The following AKAP12 variants were observed in gnomAD, a reference collection of about 807,000 sequenced individuals.
AKAP12 encodes A-kinase anchor protein 12.
In AKAP12, 32 loss-of-function variants were observed where a neutral mutation model predicts 79.9. That is an observed-to-expected ratio of 0.40 (90% CI 0.30 to 0.54). The LOEUF is 0.54. Ranked by LOEUF, AKAP12 falls within the 20% of genes least tolerant of loss-of-function variation. The probability of loss-of-function intolerance (pLI) is 0.48; values close to 1 mark genes in which losing one functional copy is unlikely to be tolerated. For synonymous variants in AKAP12, 808 were observed against 857.0 expected (o/e 0.94, Z 1.00); for missense variants, 2,074 against 2,177.0 (o/e 0.95, Z 0.94).
chr6:151,269,301 A>T (rs914902759), intron 2 of AKAP12, among the ~76,000 whole-genome samples: 1 of 151,540 alleles, frequency 6.6e-6, no homozygotes, highest in African/African-American at 2.4e-5. Flanking sequence ...TCAATTTTAT[A>T]TTTTTTTCTA....
Position 151,240,627 on chromosome 6 carries a change from C to T in AKAP12, c.65C>T (p.Pro22Leu), listed in dbSNP as rs1796952319. The T allele has an allele frequency of 7.3e-7, 1 of 1,375,624 alleles. No homozygotes were observed. The highest frequency in any genetic ancestry group is 9.4e-7 in the Non-Finnish European group (1 of 1,068,016). 85.2% of individuals were successfully genotyped at this position (1,375,624 alleles called of 1,614,324 possible). A position where few individuals can be genotyped will look rare whatever the true frequency, so the allele number is the denominator to read the frequency against. ...CAGCCGCCCGAGGGGAGCTCCACGC[C>T]GGCTGAGCCCGAGCCCAGCGGCGGC... ...PEQPPEGSST[P>L]AEPEPSGGGP... The change falls in exon 2 of 5, where the codon CCG becomes CTG. Residue 22 changes from proline to leucine, a missense_variant. Transcript: ENST00000402676.
At position 151,328,821 on chromosome 6, in the gene AKAP12, G is replaced by A. The variant is rs142494680; in HGVS notation, c.320-19890G>A. Among the ~76,000 whole-genome samples the A allele has an allele frequency of 1.3e-5, 2 of 152,044 alleles. 1 individual carries two copies. Among genetic ancestry groups the A allele is most frequent in the East Asian group, 3.9e-4 (2 of 5,168 alleles). ...TAACAGGACTGATGGCATTTTGTAG[G>A]AACTACTTAGGAACAAGTTTGCATT... On this transcript the variant is annotated intron_variant, in intron 3 of 4. Transcript: ENST00000402676.
At chr6:151,304,139 G>A (rs1776922877) in intron 2 of AKAP12, among the ~76,000 whole-genome samples, 1 of 152,068 alleles carries the variant, frequency 6.6e-6, no homozygotes, top group Admixed American at 6.6e-5. Flanking sequence ...GGTTCCTAAT[G>A]GTTATTGTTT....
intron 3 of AKAP12, among the ~76,000 whole-genome samples, chr6:151,318,357 A>G (rs1728657830): frequency 6.6e-6 from 1 of 152,216 alleles, no homozygotes; most frequent in Non-Finnish European, 1.5e-5. Context: ...ACAATGAACA[A>G]AAAGTATGAT....
chr6:151,296,274 G>T (rs528992058), intron 2 of AKAP12, among the ~76,000 whole-genome samples: 39 of 152,278 alleles, frequency 2.6e-4, no homozygotes, highest in Non-Finnish European at 5.0e-4. Flanking sequence ...ATTTCATGTG[G>T]TTGGAGAGAG....
intron 2 of AKAP12, 54 bp from the exon 3 acceptor site, chr6:151,305,693 T>C: frequency 6.6e-7 from 1 of 1,525,694 alleles, no homozygotes; most frequent in East Asian, 2.3e-5. Context: ...GCCTTGTTTC[T>C]GACTTGGTCA....
chr6:151,311,466 C>T (rs533857677), intron 3 of AKAP12, among the ~76,000 whole-genome samples: 3 of 152,282 alleles, frequency 2.0e-5, no homozygotes, highest in South Asian at 2.1e-4. Context: ...AGGCGGCTCC[C>T]GGTGTGTGCA....
chr6:151,340,444 T>C (rs1008533936), intron 3 of AKAP12, among the ~76,000 whole-genome samples: 1 of 152,180 alleles, frequency 6.6e-6, no homozygotes, highest in Non-Finnish European at 1.5e-5. Context: ...TGCCAGATCA[T>C]ATGGTAAGAG....
intron 2 of AKAP12, among the ~76,000 whole-genome samples, chr6:151,268,567 C>G (rs553300674): frequency 6.6e-6 from 1 of 152,186 alleles, no homozygotes; most frequent in East Asian, 1.9e-4. Flanking sequence ...TAACCAAATA[C>G]CCATATTATA....
chr6:151,287,197 C>A (rs1176494682), intron 2 of AKAP12, among the ~76,000 whole-genome samples: 2 of 152,076 alleles, frequency 1.3e-5, no homozygotes, highest in Non-Finnish European at 2.9e-5. Flanking sequence ...CCTCGGCCTC[C>A]CAGAGTGCTG....
At chr6:151,258,179 C>G (rs914456386) in intron 2 of AKAP12, among the ~76,000 whole-genome samples, 1 of 152,198 alleles carries the variant, frequency 6.6e-6, no homozygotes, top group African/African-American at 2.4e-5. Flanking sequence ...GCAATGAATA[C>G]TGGAGGTATT....
intron 3 of AKAP12, among the ~76,000 whole-genome samples, chr6:151,318,892 T>C (rs1456373705): frequency 1.3e-5 from 2 of 151,768 alleles, no homozygotes; most frequent in Non-Finnish European, 2.9e-5. Flanking sequence ...ACAATGAATC[T>C]CACCATTTAC....
At chr6:151,269,959 A>G (rs1776147787) in intron 2 of AKAP12, among the ~76,000 whole-genome samples, 2 of 152,178 alleles carry the variant, frequency 1.3e-5, no homozygotes, top group East Asian at 1.9e-4. Context: ...TTTTGTATCA[A>G]TGGAATCATA....
rs546006132 is a variant in AKAP12, at chr6:151,314,315, C to A, written c.319+8412C>A. 2.6e-4 allele frequency among the ~76,000 whole-genome samples: 39 copies of A among 152,252 alleles called. No homozygotes were observed. In the South Asian group the frequency reaches 7.5e-3, roughly 29 times the overall value. ...GTGCTGGGATTACAGGCATGAGCCACCGCACCCGGCCTCTAATCTGATCTT... is the reference window on the plus strand; with the variant it reads ...GTGCTGGGATTACAGGCATGAGCCAACGCACCCGGCCTCTAATCTGATCTT... On this transcript the variant is annotated intron_variant, in intron 3 of 4. Coordinates refer to ENST00000402676, the MANE Select transcript of AKAP12 (RefSeq NM_005100.4).
At chr6:151,294,123 G>A (rs1776675985) in intron 2 of AKAP12, among the ~76,000 whole-genome samples, 1 of 152,016 alleles carries the variant, frequency 6.6e-6, no homozygotes, top group South Asian at 2.1e-4. Context: ...ACAGGCGAGT[G>A]CCACCATGCC....
In AKAP12 at chr6:151,352,817, G is replaced by A. The variant is rs1410732379; in HGVS notation, c.4426G>A (p.Gly1476Arg). 2 of 1,614,076 alleles carry A rather than the reference G, an allele frequency of 1.2e-6. No individual in the cohort carries two copies. Among genetic ancestry groups the A allele is most frequent in the East Asian group, 2.2e-5 (1 of 44,894 alleles). Reference sequence around the variant, plus strand: ...TCCAGGGGAAGATGCTGTGCCCACAGGGCCCGACTGTCAGGCAAAATCGAC... The same window carrying A: ...TCCAGGGGAAGATGCTGTGCCCACAAGGCCCGACTGTCAGGCAAAATCGAC... ...AHPGEDAVPT[G>R]PDCQAKSTPV... Residue 1476 changes from glycine to arginine, a missense_variant, in exon 4 of 5, where the codon GGG (glycine) becomes AGG (arginine). By Grantham distance (125) the Gly-to-Arg change is moderately radical (BLOSUM62 -2). Coordinates refer to ENST00000402676, the MANE Select transcript of AKAP12 (RefSeq NM_005100.4).
At chr6:151,339,918 T>C (rs987032218) in intron 3 of AKAP12, among the ~76,000 whole-genome samples, 2 of 151,978 alleles carry the variant, frequency 1.3e-5, no homozygotes, top group African/African-American at 2.4e-5. Flanking sequence ...GCCTGATAAC[T>C]AATTTTTCTT....
At chr6:151,355,057 G>A (rs953553592) in intron 4 of AKAP12, among the ~76,000 whole-genome samples, 3 of 151,094 alleles carry the variant, frequency 2.0e-5, no homozygotes, top group Admixed American at 6.6e-5. Context: ...GTGCAGTGGC[G>A]CAATCTCAGC....
intron 2 of AKAP12, among the ~76,000 whole-genome samples, chr6:151,248,965 C>A (rs552269088): frequency 6.6e-6 from 1 of 151,272 alleles, no homozygotes; most frequent in South Asian, 2.1e-4. Context: ...CCAGCCTGGG[C>A]GACAGAGCAA....
Sources: allele counts gnomAD v4.1 joint callset (sites outside exome capture counted in the v4.1 genomes callset), GRCh38; gene constraint gnomAD v4.1.1; transcripts MANE v1.5; gene names NCBI Gene and HGNC (gene_info 2026-07-23, HGNC 2026-07-21).